FARP1: variants seen among roughly 807,000 people sequenced by gnomAD.
FARP1 encodes FERM, ARH/RhoGEF and pleckstrin domain protein 1.
In FARP1, 52 loss-of-function variants were observed where a neutral mutation model predicts 128.8. The ratio of observed to expected loss-of-function variants is 0.40; its 90% CI spans 0.32 to 0.51. The LOEUF is 0.51. Ranked by LOEUF, FARP1 falls within the 20% of genes least tolerant of loss-of-function variation. The pLI, the probability that FARP1 is intolerant of heterozygous loss-of-function variation, is 0.45. For missense variants in FARP1, 1,333 were observed against 1,367.9 expected, an observed-to-expected ratio of 0.97 and a Z score of 0.40; for synonymous variants, 580 against 551.8, an observed-to-expected ratio of 1.05 and a Z score of -0.72.
At chr13:98,424,787 A>C in intron 17 of FARP1, 137 bp downstream of exon 17, 1 of 670,314 alleles carries the variant, frequency 1.5e-6, no homozygotes. Context: ...TGTCCAACCC[A>C]CCGCCGAGCA....
intron 6 of FARP1, chr13:98,381,565 T>G (rs1889888630): frequency 6.6e-6 from 1 of 152,208 alleles, no homozygotes; most frequent in African/African-American, 2.4e-5. Flanking sequence ...AAGGACAAGC[T>G]GATGAAGAGA....
At position 98,157,432 on chromosome 13, in the gene FARP1, C is replaced by G. The variant is rs569590471; in HGVS notation, c.-24+13940C>G. On this transcript the variant is annotated intron_variant, in intron 1 of 26. Transcript: ENST00000319562. ...CGGCCTTCCACCAAGTCCTTCTCTG[C>G]TCTGACATTCATCCAGTCCCTGCCT... Among the ~76,000 whole-genome samples, 25 of 152,232 alleles carry G rather than the reference C, an allele frequency of 1.6e-4. No individual in the cohort carries two copies. In the South Asian group the frequency reaches 5.2e-3, roughly 32 times the overall value.
At position 98,266,312 on chromosome 13, in the gene FARP1, A is replaced by G. The variant is rs80000779; in HGVS notation, c.171+52899A>G. Among the ~76,000 whole-genome samples the G allele has an allele frequency of 4.4e-3, 672 of 152,296 alleles. 9 individuals are homozygous for G. Among genetic ancestry groups the G allele is most frequent in the East Asian group, 0.034 (178 of 5,180 alleles). The stretch of plus-strand genomic sequence containing the variant: ...GGGACACACATTCATTTTGGTGTCA[A>G]AGATCTGGGCTTCAGTCCCAGTTCG... On this transcript the variant is annotated intron_variant, in intron 2 of 26. Coordinates refer to ENST00000319562, the MANE Select transcript of FARP1 (RefSeq NM_005766.4).
intron 2 of FARP1, among the ~76,000 whole-genome samples, chr13:98,217,532 C>T (rs1323393135): frequency 1.3e-5 from 2 of 152,172 alleles, no homozygotes; most frequent in Non-Finnish European, 2.9e-5. Flanking sequence ...TTTTGTAGCT[C>T]CTGAGACTTA....
intron 2 of FARP1, chr13:98,332,298 G>T (rs1164811380): frequency 6.6e-6 from 1 of 151,024 alleles, no homozygotes; most frequent in Non-Finnish European, 1.5e-5. Context: ...TGTTGGATAT[G>T]ATTGTACTTT....
intron 2 of FARP1, chr13:98,233,561 C>T (rs1391849107): frequency 6.6e-6 from 1 of 152,130 alleles, no homozygotes; most frequent in African/African-American, 2.4e-5. Context: ...TCCACGGGTA[C>T]CATGAAGAGG....
At chr13:98,166,430 C>G (rs1877269075) in intron 1 of FARP1, among the ~76,000 whole-genome samples, 1 of 152,198 alleles carries the variant, frequency 6.6e-6, no homozygotes, top group Non-Finnish European at 1.5e-5. Context: ...GTGCTAGAAA[C>G]TATATCAAAT....
At position 98,221,189 on chromosome 13, in the gene FARP1, A is replaced by C. The variant is rs367729737; in HGVS notation, c.171+7776A>C. ...TCTTCTGCAAAAACACCTTGCAGAG[A>C]ACACAGATTTGGTTCTCATGAAAGT... On this transcript the variant is annotated intron_variant, in intron 2 of 26. Transcript: ENST00000319562. Among the ~76,000 whole-genome samples, 8 of 152,304 alleles carry C rather than the reference A, an allele frequency of 5.3e-5. 1 individual carries two copies. The highest frequency in any genetic ancestry group is 3.9e-4 in the East Asian group (2 of 5,190).
intron 13 of FARP1, chr13:98,402,863 A>G (rs1405316588): frequency 6.6e-6 from 1 of 152,200 alleles, no homozygotes; most frequent in African/African-American, 2.4e-5. Flanking sequence ...TAAAATTTCT[A>G]ATACACCAAA....
chr13:98,429,429 G>T (rs532168322), intron 17 of FARP1, among the ~76,000 whole-genome samples: 64 of 152,192 alleles, frequency 4.2e-4, no homozygotes, highest in Non-Finnish European at 9.0e-4. Context: ...GTTCATTCAA[G>T]GGGCTCAACT....
At chr13:98,208,110 C>T (rs1472842721) in intron 1 of FARP1, among the ~76,000 whole-genome samples, 1 of 152,034 alleles carries the variant, frequency 6.6e-6, no homozygotes, top group Non-Finnish European at 1.5e-5. Flanking sequence ...CACAACCAAA[C>T]AGATTAGAAA....
intron 2 of FARP1, among the ~76,000 whole-genome samples, chr13:98,246,344 C>T (rs1376167759): frequency 8.6e-5 from 13 of 151,346 alleles, no homozygotes; most frequent in African/African-American, 2.9e-4. Context: ...ATCCCCGCCT[C>T]GGCCTCCCAA....
chr13:98,147,228 A>G (rs1370741258), intron 1 of FARP1, among the ~76,000 whole-genome samples: 1 of 152,226 alleles, frequency 6.6e-6, no homozygotes, highest in Non-Finnish European at 1.5e-5. Context: ...CTAAAATATC[A>G]TGCTCGAAGC....
At chr13:98,149,123 A>G (rs1875785389) in intron 1 of FARP1, among the ~76,000 whole-genome samples, 1 of 152,122 alleles carries the variant, frequency 6.6e-6, no homozygotes, top group South Asian at 2.1e-4. Flanking sequence ...GCTGGGCTCA[A>G]GTGATCCTCC....
intron 2 of FARP1, among the ~76,000 whole-genome samples, chr13:98,277,962 C>T (rs1239359529): frequency 6.6e-6 from 1 of 152,142 alleles, no homozygotes; most frequent in Non-Finnish European, 1.5e-5. Context: ...ATTTAACAAG[C>T]TATTGTTTTA....
At chr13:98,377,517 A>G (rs756014309) in intron 5 of FARP1, among the ~76,000 whole-genome samples, 1 of 152,096 alleles carries the variant, frequency 6.6e-6, no homozygotes, top group Non-Finnish European at 1.5e-5. Context: ...AAAAATGTAA[A>G]TATTTCCTGT....
chr13:98,189,007 C>CA (rs1336224399), intron 1 of FARP1, among the ~76,000 whole-genome samples: 1 of 152,198 alleles, frequency 6.6e-6, no homozygotes, highest in Non-Finnish European at 1.5e-5. Context: ...CCACAGGTGT[C>CA]AGACGGGCCT....
chr13:98,395,121 A>C, intron 12 of FARP1, 106 bp from the exon 13 acceptor site: 1 of 1,353,016 alleles, frequency 7.4e-7, no homozygotes, highest in Non-Finnish European at 9.9e-7. Context: ...CTCCCGCCGC[A>C]GAGGCCTCGG....
At chr13:98,188,471 G>A (rs547181445) in intron 1 of FARP1, among the ~76,000 whole-genome samples, 2 of 152,278 alleles carry the variant, frequency 1.3e-5, no homozygotes, top group East Asian at 3.9e-4. Context: ...TGAGGCAGGA[G>A]AATCGCTTGA....
Sources: gnomAD v4.1 joint callset for allele counts (sites outside exome capture counted in the v4.1 genomes callset) on GRCh38, gnomAD v4.1.1 for gene constraint, MANE v1.5 for transcripts, NCBI Gene and HGNC (gene_info 2026-07-23, HGNC 2026-07-21) for gene names.